Variants in MAD1L1 observed in about 807,000 individuals in gnomAD.
The protein encoded by MAD1L1 is mitotic arrest deficient 1 like 1, also known as mitotic spindle assembly checkpoint protein MAD1.
In MAD1L1, 95 loss-of-function variants were observed where a neutral mutation model predicts 96.9. The observed-to-expected ratio is 0.98, with a 90% CI of 0.83 to 1.16. The LOEUF (loss-of-function observed/expected upper bound fraction) is 1.16. Ranked by LOEUF, MAD1L1 falls within the 50% of genes most tolerant of loss-of-function variation. The probability of loss-of-function intolerance (pLI) is 0.00; values close to 1 mark genes in which losing one functional copy is unlikely to be tolerated. For synonymous variants in MAD1L1, 473 were observed against 396.6 expected (o/e 1.19, Z -2.29); for missense variants, 1,007 against 954.4 (o/e 1.06, Z -0.73).
At chr7:2,125,544 A>G (rs532284373) in intron 11 of MAD1L1, among the ~76,000 whole-genome samples, 1 of 152,292 alleles carries the variant, frequency 6.6e-6, no homozygotes, top group South Asian at 2.1e-4. Flanking sequence ...TGCCCAGGTG[A>G]GCGAGGGCCT....
At chr7:1,894,995 G>A (rs757133022) in intron 18 of MAD1L1, among the ~76,000 whole-genome samples, 24 of 152,126 alleles carry the variant, frequency 1.6e-4, no homozygotes, top group Non-Finnish European at 1.8e-4. Flanking sequence ...TAAAACCTCC[G>A]GCAGACTCGC....
Position 2,151,267 on chromosome 7 carries a change from G to A in MAD1L1, c.987-2029C>T, listed in dbSNP as rs150524727. ...TATTTACAACAAATAAATAAAAATC[G>A]CATATATCCACATCTGCAACGGCGC... On this transcript the variant is annotated intron_variant, in intron 10 of 18. Transcript: ENST00000265854. Among the ~76,000 whole-genome samples, 1,012 of 152,250 alleles carry A rather than the reference G, an allele frequency of 6.6e-3. 10 individuals carry two copies. Among genetic ancestry groups the A allele is most frequent in the African/African-American group, 0.023 (974 of 41,536 alleles).
At chr7:2,084,272 G>T (rs369797101) in intron 11 of MAD1L1, among the ~76,000 whole-genome samples, 3 of 152,240 alleles carry the variant, frequency 2.0e-5, no homozygotes, top group African/African-American at 7.2e-5. Flanking sequence ...CAAAGTCCAG[G>T]GGGGACAGAA....
Position 1,918,685 on chromosome 7 carries a change from C to G in MAD1L1, c.1807+18002G>C, listed in dbSNP as rs953574080. Reference sequence around the variant, plus strand: ...GGTGCTGGCCTTTATTACCCAACACCAACACCAAAGAACAGCATGGAGAGA... The same window carrying G: ...GGTGCTGGCCTTTATTACCCAACACGAACACCAAAGAACAGCATGGAGAGA... On this transcript the variant is annotated intron_variant, in intron 17 of 18. Coordinates refer to ENST00000265854, the MANE Select transcript of MAD1L1 (RefSeq NM_001013836.2). Among the ~76,000 whole-genome samples the G allele has an allele frequency of 3.3e-5, 5 of 152,356 alleles. No homozygotes were observed. In the East Asian group the frequency reaches 9.6e-4, roughly 29 times the overall value.
chr7:1,863,950 T>C (rs1203188307), intron 18 of MAD1L1, among the ~76,000 whole-genome samples: 1 of 152,134 alleles, frequency 6.6e-6, no homozygotes, highest in Non-Finnish European at 1.5e-5. Context: ...TAGCCAGGCA[T>C]GGTGGCACGC....
chr7:2,000,591 C>T (rs1194800474), intron 14 of MAD1L1, among the ~76,000 whole-genome samples: 1 of 152,184 alleles, frequency 6.6e-6, no homozygotes. Flanking sequence ...CTCTGCAGAG[C>T]GGCCCCGGGA....
At chr7:1,988,643 G>A (rs956592203) in intron 14 of MAD1L1, among the ~76,000 whole-genome samples, 1 of 152,212 alleles carries the variant, frequency 6.6e-6, no homozygotes, top group African/African-American at 2.4e-5. Context: ...CCGCGCTCCA[G>A]GGTGGCCCAG....
At chr7:1,987,680 C>T (rs916181677) in intron 14 of MAD1L1, among the ~76,000 whole-genome samples, 2 of 152,194 alleles carry the variant, frequency 1.3e-5, no homozygotes, top group African/African-American at 4.8e-5. Context: ...GGCAGGGCCA[C>T]GGCCGCCCGG....
At chr7:2,011,265 C>T (rs958047587) in intron 13 of MAD1L1, among the ~76,000 whole-genome samples, 4 of 152,090 alleles carry the variant, frequency 2.6e-5, no homozygotes, top group African/African-American at 4.8e-5. Flanking sequence ...CTTGGGCTGG[C>T]GTCCCTGCCC....
chr7:2,174,930 G>A (rs1790875693), intron 10 of MAD1L1, among the ~76,000 whole-genome samples: 1 of 152,130 alleles, frequency 6.6e-6, no homozygotes, highest in African/African-American at 2.4e-5. Context: ...GACTGTGACG[G>A]CCACCTGTAA....
chr7:2,079,925 G>A, intron 11 of MAD1L1: 1 of 369,066 alleles, frequency 2.7e-6, no homozygotes. Context: ...ATAATCCGGT[G>A]CCTGGAGTGA....
At chr7:2,133,271 A>G (rs1788603365) in intron 11 of MAD1L1, among the ~76,000 whole-genome samples, 2 of 151,050 alleles carry the variant, frequency 1.3e-5, no homozygotes, top group African/African-American at 4.9e-5. Context: ...TGCTTTGGTG[A>G]GGCACCTGTT....
rs139934069 is a variant in MAD1L1, at chr7:2,081,378, T to C, written c.1074-12040A>G. 3.8e-3 allele frequency among the ~76,000 whole-genome samples: 581 copies of C among 152,256 alleles called. 2 individuals are homozygous for C. The highest frequency in any genetic ancestry group is 5.8e-3 in the Non-Finnish European group (392 of 68,012). Reference sequence around the variant, plus strand: ...GCGTAAAGGAACGAAAATCACAGCATCCACGTATCAGTCCCACTCCACCAA... The same window carrying C: ...GCGTAAAGGAACGAAAATCACAGCACCCACGTATCAGTCCCACTCCACCAA... On this transcript the variant is annotated intron_variant, in intron 11 of 18. Coordinates refer to ENST00000265854, the MANE Select transcript of MAD1L1 (RefSeq NM_001013836.2).
intron 11 of MAD1L1, among the ~76,000 whole-genome samples, chr7:2,107,248 G>A (rs535491551): frequency 2.0e-5 from 3 of 152,296 alleles, no homozygotes; most frequent in South Asian, 4.1e-4. Flanking sequence ...TCTCGCTGCC[G>A]GAGCATCCGG....
chr7:2,152,524 T>C (rs1199675080), intron 10 of MAD1L1, among the ~76,000 whole-genome samples: 1 of 152,198 alleles, frequency 6.6e-6, no homozygotes, highest in Non-Finnish European at 1.5e-5. Context: ...ACAAGCACAG[T>C]GAGCTCGATG....
chr7:2,023,220 C>G (rs1782860031), intron 12 of MAD1L1, among the ~76,000 whole-genome samples: 1 of 152,182 alleles, frequency 6.6e-6, no homozygotes, highest in African/African-American at 2.4e-5. Flanking sequence ...ACTGCATCAA[C>G]AGCAGAATAT....
intron 17 of MAD1L1, among the ~76,000 whole-genome samples, chr7:1,924,318 G>A (rs575456117): frequency 2.0e-5 from 3 of 152,226 alleles, no homozygotes; most frequent in Non-Finnish European, 4.4e-5. Context: ...AGCAGACAAT[G>A]TGGGCACATG....
intron 14 of MAD1L1, among the ~76,000 whole-genome samples, chr7:1,998,097 T>G (rs1031728911): frequency 2.0e-5 from 3 of 151,998 alleles, no homozygotes; most frequent in African/African-American, 7.2e-5. Context: ...AAAACACAGG[T>G]TGAAAAGCAG....
At chr7:1,932,914 T>C (rs913746529) in intron 17 of MAD1L1, among the ~76,000 whole-genome samples, 21 of 152,256 alleles carry the variant, frequency 1.4e-4, no homozygotes, top group African/African-American at 4.6e-4. Flanking sequence ...TTCTCAACGT[T>C]ACTTTACAAA....
Sources: gnomAD v4.1 joint callset for allele counts (sites outside exome capture counted in the v4.1 genomes callset) on GRCh38, gnomAD v4.1.1 for gene constraint, MANE v1.5 for transcripts, NCBI Gene and HGNC (gene_info 2026-07-23, HGNC 2026-07-21) for gene names.